The following BBS9 variants were observed in gnomAD, a reference collection of about 807,000 sequenced individuals.
BBS9 encodes Bardet-Biedl syndrome 9, also known as protein PTHB1.
BBS9 carries 89 observed loss-of-function variants against 117.7 expected under a neutral mutation model. The ratio of observed to expected loss-of-function variants is 0.76; its 90% confidence interval spans 0.64 to 0.90. BBS9 has a LOEUF of 0.90. BBS9 is among the 40% of genes least tolerant of loss of function. The pLI is 0.00. For synonymous variants in BBS9, 379 were observed against 370.9 expected (o/e 1.02, Z -0.25); for missense variants, 982 against 1,042.2 (o/e 0.94, Z 0.80).
At chr7:33,163,314 G>A (rs1795157904) in intron 4 of BBS9, among the ~76,000 whole-genome samples, 2 of 152,090 alleles carry the variant, frequency 1.3e-5, no homozygotes, top group South Asian at 4.1e-4. Flanking sequence ...GTCTCTGCCA[G>A]CCTTTGGTAT....
In BBS9 at chr7:33,582,984, C is replaced by T. The variant is rs76144071; in HGVS notation, c.2522-21881C>T. On this transcript the variant is annotated intron_variant, in intron 21 of 22. Transcript: ENST00000242067. Reference sequence around the variant, plus strand: ...GTAATGTGGGAGCCTGTACTTTCTCCTGTATTTTGCATTATCTTGAATATA... The same window carrying T: ...GTAATGTGGGAGCCTGTACTTTCTCTTGTATTTTGCATTATCTTGAATATA... Among the ~76,000 whole-genome samples, 61 of 152,286 alleles carry T rather than the reference C, an allele frequency of 4.0e-4. 1 individual carries two copies. In the East Asian group the frequency reaches 0.011, roughly 28 times the overall value.
intron 19 of BBS9, among the ~76,000 whole-genome samples, chr7:33,388,735 C>G (rs1039734313): frequency 6.6e-5 from 10 of 152,228 alleles, no homozygotes; most frequent in Non-Finnish European, 1.2e-4. Flanking sequence ...AAAAACTATT[C>G]AAAACATCTC....
At chr7:33,358,506 T>G (rs1055514015) in intron 16 of BBS9, among the ~76,000 whole-genome samples, 1 of 151,892 alleles carries the variant, frequency 6.6e-6, no homozygotes, top group African/African-American at 2.4e-5. Flanking sequence ...GTGCTTCTGG[T>G]TGTTTAGAAG....
In BBS9 at chr7:33,565,835, ATATACTGCT is replaced by A. The variant is rs1338461493; in HGVS notation, c.2521+31664_2521+31672del. On this transcript the variant is annotated intron_variant, in intron 21 of 22. Transcript: ENST00000242067. ...TATATATATATATATATACCGCTAT[ATATACTGCT>A]TATATATATATATATATATATATAT... is the stretch of plus-strand genomic sequence containing the variant. Among the ~76,000 whole-genome samples the A allele has an allele frequency of 4.1e-4, 18 of 43,568 alleles. No homozygotes were observed. In the African/African-American group the frequency reaches 5.2e-3, roughly 12 times the overall value. The allele number at this position is 43,568 out of a possible 152,430, so 28.6% of individuals were successfully genotyped here. A position where few individuals can be genotyped will look rare whatever the true frequency, so the allele number is the denominator to read the frequency against.
intron 19 of BBS9, among the ~76,000 whole-genome samples, chr7:33,428,625 A>T (rs1357365712): frequency 3.4e-4 from 52 of 152,216 alleles, no homozygotes; most frequent in Admixed American, 3.4e-3. Context: ...CCAGCTGAGG[A>T]TGGAAAATTG....
At chr7:33,336,651 T>G in intron 10 of BBS9, 29 bp downstream of exon 10, 1 of 1,432,742 alleles carries the variant, frequency 7.0e-7, no homozygotes, top group Non-Finnish European at 9.7e-7. Flanking sequence ...TTTATTATTT[T>G]AGTATTCATT....
rs1226465697 is a variant in BBS9, at chr7:33,604,959, A to G, written c.2616A>G (p.Ala872=). The G allele has an allele frequency of 6.2e-7, 1 of 1,610,576 alleles. No individual in the cohort carries two copies. The highest frequency in any genetic ancestry group is 1.3e-5 in the African/African-American group (1 of 74,866). ...ELFTNHRHLT[A]ETPRPEVSPL... ...TTACCAACCACAGACATCTCACTGC[A>G]GAGACACCCAGGCCTGGTAAGAGAC... The change falls in exon 22 of 23, where the codon GCA becomes GCG. Residue 872 remains alanine, a synonymous_variant. Transcript: ENST00000242067.
intron 20 of BBS9, among the ~76,000 whole-genome samples, chr7:33,531,343 C>A (rs1319781076): frequency 6.6e-6 from 1 of 152,062 alleles, no homozygotes; most frequent in South Asian, 2.1e-4. Flanking sequence ...TCAGTGCACT[C>A]AATGTGAATC....
intron 9 of BBS9, 74 bp downstream of exon 9, chr7:33,274,030 A>G: frequency 6.7e-7 from 1 of 1,503,686 alleles, no homozygotes; most frequent in South Asian, 1.1e-5. Context: ...CTATGAAATA[A>G]TGACAAGTGA....
intron 20 of BBS9, among the ~76,000 whole-genome samples, chr7:33,526,680 G>C: frequency 6.9e-6 from 1 of 144,538 alleles, no homozygotes; most frequent in Non-Finnish European, 1.5e-5. Flanking sequence ...CAACCTCTTT[G>C]CCTTTGGTTT....
intron 9 of BBS9, among the ~76,000 whole-genome samples, chr7:33,281,707 T>C (rs1324329459): frequency 3.3e-5 from 5 of 152,044 alleles, no homozygotes; most frequent in Admixed American, 2.6e-4. Context: ...TTCATTTAAT[T>C]TTCCCAGGAA....
intron 19 of BBS9, among the ~76,000 whole-genome samples, chr7:33,451,281 G>A (rs1425363019): frequency 2.0e-5 from 3 of 152,164 alleles, no homozygotes; most frequent in African/African-American, 7.2e-5. Flanking sequence ...CAAATGCAGT[G>A]TTATAAAGCT....
At chr7:33,284,287 G>A (rs966399238) in intron 9 of BBS9, among the ~76,000 whole-genome samples, 2 of 152,030 alleles carry the variant, frequency 1.3e-5, no homozygotes, top group Non-Finnish European at 2.9e-5. Context: ...CCTTTTTTTG[G>A]GAGGTGGTAG....
intron 5 of BBS9, among the ~76,000 whole-genome samples, chr7:33,235,449 C>A (rs1429751677): frequency 6.6e-6 from 1 of 152,044 alleles, no homozygotes; most frequent in African/African-American, 2.4e-5. Flanking sequence ...CTTTTATAAA[C>A]CTTATAGTAC....
At chr7:33,236,609 A>G (rs937689114) in intron 5 of BBS9, among the ~76,000 whole-genome samples, 2 of 152,034 alleles carry the variant, frequency 1.3e-5, no homozygotes, top group African/African-American at 2.4e-5. Context: ...ACAACACATT[A>G]TAATATGTGC....
intron 21 of BBS9, among the ~76,000 whole-genome samples, chr7:33,617,346 C>T (rs1865191792): frequency 6.6e-6 from 1 of 152,078 alleles, no homozygotes; most frequent in African/African-American, 2.4e-5. Context: ...TAATTTCAGA[C>T]AGGGACTTCA....
intron 1 of BBS9, among the ~76,000 whole-genome samples, chr7:33,134,215 ATTTTTTTTTTT>A (rs59609414): frequency 4.2e-5 from 5 of 118,056 alleles, no homozygotes; most frequent in African/African-American, 1.7e-4. Flanking sequence ...ACGCCTGGCT[ATTTTTTTTTTT>A]TTTTTTTTTT....
At chr7:33,451,142 C>A (rs1381621780) in intron 19 of BBS9, among the ~76,000 whole-genome samples, 1 of 152,086 alleles carries the variant, frequency 6.6e-6, no homozygotes, top group Non-Finnish European at 1.5e-5. Flanking sequence ...CCTGCCTCGG[C>A]CTCCCAAAGT....
chr7:33,323,211 C>G (rs928362554), intron 9 of BBS9, among the ~76,000 whole-genome samples: 1 of 151,938 alleles, frequency 6.6e-6, no homozygotes, highest in Non-Finnish European at 1.5e-5. Context: ...ATTCTGCAGC[C>G]GTTAGATGAA....
Sources: allele counts gnomAD v4.1 joint callset (sites outside exome capture counted in the v4.1 genomes callset), GRCh38; gene constraint gnomAD v4.1.1; transcripts MANE v1.5; gene names NCBI Gene and HGNC (gene_info 2026-07-23, HGNC 2026-07-21).